The following THSD7B variants were observed in gnomAD, a reference collection of about 807,000 sequenced individuals.
The protein encoded by THSD7B is thrombospondin type 1 domain containing 7B.
A neutral mutation model predicts 213.6 loss-of-function variants in THSD7B; 138 were observed. The observed-to-expected ratio is 0.65, with a 90% confidence interval of 0.56 to 0.74. THSD7B has a LOEUF of 0.74. Among genes scored for constraint, THSD7B ranks in the 30% least tolerant of loss-of-function variants. The pLI is 0.00. For synonymous variants in THSD7B, 742 were observed against 687.0 expected, an observed-to-expected ratio of 1.08 and a Z score of -1.25; for missense variants, 1,931 against 1,991.5, an observed-to-expected ratio of 0.97 and a Z score of 0.58.
intron 2 of THSD7B, among the ~76,000 whole-genome samples, chr2:137,024,940 G>A (rs1386522098): frequency 6.6e-6 from 1 of 152,110 alleles, no homozygotes; most frequent in African/African-American, 2.4e-5. Flanking sequence ...TTCTATGCCA[G>A]AGGGGCCCAC....
At chr2:137,444,859 A>G (rs1687494334) in intron 14 of THSD7B, among the ~76,000 whole-genome samples, 1 of 152,078 alleles carries the variant, frequency 6.6e-6, no homozygotes, top group South Asian at 2.1e-4. Flanking sequence ...AAATATTTGC[A>G]AACTATTCAT....
At chr2:137,436,377 A>T (rs948315355) in intron 14 of THSD7B, among the ~76,000 whole-genome samples, 2 of 152,304 alleles carry the variant, frequency 1.3e-5, no homozygotes, top group East Asian at 3.9e-4. Context: ...CAAGGAACAG[A>T]TAGGTTAAAG....
At chr2:137,249,923 T>C (rs551506077) in intron 10 of THSD7B, among the ~76,000 whole-genome samples, 10 of 152,368 alleles carry the variant, frequency 6.6e-5, no homozygotes, top group Non-Finnish European at 1.5e-4. Flanking sequence ...ATCTCATAAA[T>C]TGTCAGGACA....
At chr2:136,788,215 G>A (rs993888516) in intron 1 of THSD7B, among the ~76,000 whole-genome samples, 1 of 152,176 alleles carries the variant, frequency 6.6e-6, no homozygotes, top group African/African-American at 2.4e-5. Context: ...AGTGCCCGCT[G>A]GGAGAGACCT....
intron 21 of THSD7B, among the ~76,000 whole-genome samples, chr2:137,643,643 G>A (rs1011482320): frequency 6.6e-6 from 1 of 152,058 alleles, no homozygotes; most frequent in African/African-American, 2.4e-5. Context: ...ATGTTGTTTG[G>A]ACTCACTTAC....
At chr2:136,959,804 AT>A (rs747396731) in intron 2 of THSD7B, among the ~76,000 whole-genome samples, 4 of 152,238 alleles carry the variant, frequency 2.6e-5, no homozygotes, top group Non-Finnish European at 5.9e-5. Flanking sequence ...GGTTAAAATA[AT>A]TGTGATATTT....
intron 2 of THSD7B, among the ~76,000 whole-genome samples, chr2:136,941,812 T>C (rs1241977910): frequency 6.6e-6 from 1 of 152,240 alleles, no homozygotes; most frequent in African/African-American, 2.4e-5. Context: ...TTCACTCTGA[T>C]GGTAGTTTCT....
chr2:137,378,434 A>G (rs1685707975), intron 12 of THSD7B, among the ~76,000 whole-genome samples: 1 of 152,180 alleles, frequency 6.6e-6, no homozygotes, highest in South Asian at 2.1e-4. Flanking sequence ...GTAGTTGAGG[A>G]TTAAGAGATT....
intron 12 of THSD7B, among the ~76,000 whole-genome samples, chr2:137,333,360 C>G (rs757028739): frequency 5.3e-5 from 8 of 152,138 alleles, no homozygotes; most frequent in Admixed American, 1.3e-4. Flanking sequence ...ATTTGCTTGC[C>G]TAAAATCTTT....
intron 12 of THSD7B, among the ~76,000 whole-genome samples, chr2:137,364,421 AG>A (rs1165972226): frequency 1.3e-5 from 2 of 152,294 alleles, no homozygotes; most frequent in Admixed American, 1.3e-4. Flanking sequence ...AAAGAAATAA[AG>A]GGGATTCAAT....
chr2:137,234,643 G>C (rs1304765463), intron 9 of THSD7B, among the ~76,000 whole-genome samples: 4 of 152,100 alleles, frequency 2.6e-5, no homozygotes, highest in Non-Finnish European at 4.4e-5. Flanking sequence ...GTTCTTTCTT[G>C]TTCCAACCCT....
intron 1 of THSD7B, among the ~76,000 whole-genome samples, chr2:136,822,645 T>G (rs570028337): frequency 9.2e-5 from 14 of 152,216 alleles, no homozygotes; most frequent in Non-Finnish European, 1.8e-4. Context: ...TTTTATACCC[T>G]GTTTAAAATA....
At position 137,160,353 on chromosome 2, in the gene THSD7B, C is replaced by A. The variant is rs762641815; in HGVS notation, c.1510C>A (p.Pro504Thr). The A allele has an allele frequency of 6.8e-6, 11 of 1,612,034 alleles. No homozygotes were observed. In the South Asian group the frequency reaches 1.1e-4, roughly 16 times the overall value. ...GTGCATCCATGAAAACTGTCATGAT[C>A]CTCAGGGGAAAAAAGGTGAGTGCCT... ...GLCIHENCHD[P>T]QGKKGFRTRQ... The change falls in exon 6 of 28, where the codon CCT (proline) becomes ACT (threonine). Residue 504 changes from proline (P) to threonine (T), a missense_variant. Physicochemically the swap from Pro to Thr is conservative, Grantham distance 38. Transcript: ENST00000409968.
At chr2:137,602,101 A>G (rs995110161) in intron 17 of THSD7B, among the ~76,000 whole-genome samples, 1 of 152,198 alleles carries the variant, frequency 6.6e-6, no homozygotes, top group African/African-American at 2.4e-5. Flanking sequence ...AGGGAATACA[A>G]TCCAAATTAT....
chr2:137,631,865 T>C (rs1682747734), intron 20 of THSD7B, among the ~76,000 whole-genome samples: 1 of 152,208 alleles, frequency 6.6e-6, no homozygotes, highest in South Asian at 2.1e-4. Context: ...TGTGCAGAAC[T>C]CTCTTGCACT....
chr2:137,177,687 G>A (rs1358138508), intron 7 of THSD7B, among the ~76,000 whole-genome samples: 1 of 152,164 alleles, frequency 6.6e-6, no homozygotes, highest in East Asian at 1.9e-4. Context: ...GCCAAAGAAG[G>A]ACAATGGGCA....
At chr2:137,671,895 C>CAAAT (rs1683586234) in intron 27 of THSD7B, among the ~76,000 whole-genome samples, 1 of 152,078 alleles carries the variant, frequency 6.6e-6, no homozygotes, top group African/African-American at 2.4e-5. Flanking sequence ...CTGTAAAACT[C>CAAAT]AAATACCAAC....
chr2:137,483,813 T>A lies in THSD7B; in HGVS notation c.3138+32790T>A, dbSNP rs1445832484. On this transcript the variant is annotated intron_variant, in intron 15 of 27. Coordinates refer to ENST00000409968, the MANE Select transcript of THSD7B (RefSeq NM_001316349.2). ...GCAGTGTGTTGTCAGGTATGACTGG[T>A]TATAACCTTACGAATCATTTCGGAG... Among the ~76,000 whole-genome samples, 4 of 152,082 alleles carry A rather than the reference T, an allele frequency of 2.6e-5. No homozygotes were observed. The East Asian group carries it at 7.7e-4, about 29-fold the overall frequency.
At chr2:136,815,776 C>A (rs1558814221) in intron 1 of THSD7B, among the ~76,000 whole-genome samples, 1 of 152,318 alleles carries the variant, frequency 6.6e-6, no homozygotes, top group African/African-American at 2.4e-5. Context: ...ATGTCAAAAA[C>A]ACACAGAGAG....
Sources: allele counts gnomAD v4.1 joint callset (sites outside exome capture counted in the v4.1 genomes callset), GRCh38; gene constraint gnomAD v4.1.1; transcripts MANE v1.5; gene names NCBI Gene and HGNC (gene_info 2026-07-23, HGNC 2026-07-21).